MYL2: variants seen among roughly 807,000 people sequenced by gnomAD.
The protein encoded by MYL2 is myosin light chain 2, also known as myosin regulatory light chain 2, ventricular/cardiac muscle isoform.
A neutral mutation model predicts 23.0 loss-of-function variants in MYL2; 19 were observed. The observed-to-expected ratio is 0.83, with a 90% CI of 0.58 to 1.21. The LOEUF (loss-of-function observed/expected upper bound fraction) is 1.21, where lower values mean the gene tolerates loss of function less well. Among genes scored for constraint, MYL2 ranks in the 50% most tolerant of loss-of-function variants. The pLI is 0.00. For synonymous variants in MYL2, 78 were observed against 76.2 expected (o/e 1.02, Z -0.13); for missense variants, 180 against 215.1 (o/e 0.84, Z 1.02).
rs1157086995 is a variant in MYL2, at chr12:110,919,130, G to C, written c.67C>G (p.Gln23Glu). 6.2e-7 allele frequency: 1 copy of C among 1,613,974 alleles called. No individual in the cohort carries two copies. The highest frequency in any genetic ancestry group is 2.2e-5 in the East Asian group (1 of 44,884). ...ANSNVFSMFE[Q>E]TQIQEFKEAF... is the part of the protein sequence containing the mutation. ...TCCTTAAATTCCTGGATTTGGGTCT[G>C]TTCGAACATGGAGAACACGTTGGAG... The change falls in exon 2 of 7, where the codon CAG (glutamine) becomes GAG (glutamate). Residue 23 changes from glutamine (Q) to glutamate (E), a missense_variant. Physicochemically the swap from Gln to Glu is conservative, Grantham distance 29. Transcript: ENST00000228841.
rs1047009853 is a variant in MYL2, at chr12:110,914,280, G to A, written c.180C>T (p.Asn60=). 3 of 1,613,368 alleles carry A rather than the reference G, an allele frequency of 1.9e-6. No homozygotes were observed. The highest frequency in any genetic ancestry group is 2.5e-6 in the Non-Finnish European group (3 of 1,179,594). Residue 60 remains asparagine (N), a synonymous_variant, in exon 4 of 7, where the codon AAC becomes AAT. Transcript: ENST00000228841. ...TTTCATCAATTTCTTCATTTTTCAC[G>A]TTCACTCGCCCTAGGGTAGGAAACA... The part of the protein sequence containing the change: ...RDTFAALGRV[N]VKNEEIDEMI...
chr12:110,911,209 G>A (rs752143818), intron 6 of MYL2, 34 bp from the exon 7 acceptor site: 1 of 1,453,548 alleles, frequency 6.9e-7, no homozygotes, highest in South Asian at 1.1e-5. Context: ...CTAAGGACGA[G>A]GGGAGGGGAA....
rs765287559 is a variant in MYL2 at position 110,914,204 on chromosome 12, A to G, written c.256T>C (p.Phe86Leu). 9 of 1,613,740 alleles carry G rather than the reference A, an allele frequency of 5.6e-6. No individual in the cohort carries two copies. The African/African-American group carries it at 9.3e-5, about 17-fold the overall frequency. ...PINFTVFLTM[F>L]GEKLKGADPE... is the part of the protein sequence containing the mutation. The stretch of plus-strand genomic sequence containing the variant: ...ACCTTACCCTTAAGTTTCTCCCCAA[A>G]CATTGTGAGGAACACAGTAAAGTTA... Residue 86 changes from phenylalanine to leucine, a missense_variant, in exon 4 of 7, where the codon TTT (phenylalanine) becomes CTT (leucine). Physicochemically the swap from Phe to Leu is conservative, Grantham distance 22. Transcript: ENST00000228841.
intron 2 of MYL2, among the ~76,000 whole-genome samples, chr12:110,916,429 A>G (rs1275417850): frequency 2.6e-5 from 4 of 152,258 alleles, no homozygotes; most frequent in East Asian, 1.9e-4. Flanking sequence ...CTACATGTCC[A>G]TCAACTGATG....
At chr12:110,913,683 A>T (rs984501347) in intron 4 of MYL2, among the ~76,000 whole-genome samples, 2 of 152,220 alleles carry the variant, frequency 1.3e-5, no homozygotes, top group Non-Finnish European at 2.9e-5. Context: ...GGGGTAATGC[A>T]TATAAAGTGG....
intron 2 of MYL2, among the ~76,000 whole-genome samples, chr12:110,916,271 G>A (rs903151909): frequency 6.6e-6 from 1 of 152,238 alleles, no homozygotes; most frequent in Non-Finnish European, 1.5e-5. Flanking sequence ...AGGAGGCAGA[G>A]CTTGCAGTGA....
intron 5 of MYL2, 23 bp downstream of exon 5, chr12:110,913,222 TC>T: frequency 6.2e-7 from 1 of 1,600,776 alleles, no homozygotes; most frequent in South Asian, 1.1e-5. Context: ...GGAACCCCCT[TC>T]CTCCCCCACA....
intron 3 of MYL2, among the ~76,000 whole-genome samples, chr12:110,914,871 T>C (rs549297749): frequency 1.1e-4 from 16 of 152,338 alleles, no homozygotes; most frequent in African/African-American, 2.6e-4. Context: ...TTGATGCAGA[T>C]ATTTTCATTT....
rs1036162380 is a variant in MYL2, at chr12:110,917,425, C to G, written c.94-1635G>C. The stretch of plus-strand genomic sequence containing the variant: ...CCGGGCCAACACAGTGAAACCCTGT[C>G]TCTAGTAAAAATACAAAAAAATTAG... On this transcript the variant is annotated intron_variant, in intron 2 of 6. Transcript: ENST00000228841. 1.3e-4 allele frequency among the ~76,000 whole-genome samples: 19 copies of G among 151,724 alleles called. 1 individual carries two copies. The highest frequency in any genetic ancestry group is 1.1e-3 in the Admixed American group (16 of 15,216).
At chr12:110,911,361 T>C (rs902649929) in intron 6 of MYL2, among the ~76,000 whole-genome samples, 186 bp from the exon 7 acceptor site, 1 of 151,994 alleles carries the variant, frequency 6.6e-6, no homozygotes, top group African/African-American at 2.4e-5. Context: ...CCCAAGGTCA[T>C]GCCCTTTCTG....
At chr12:110,912,215 C>T (rs775497076) in intron 6 of MYL2, among the ~76,000 whole-genome samples, 5 of 152,084 alleles carry the variant, frequency 3.3e-5, no homozygotes, top group Non-Finnish European at 7.4e-5. Context: ...AGGTTGACGG[C>T]ACCATTGCTT....
At chr12:110,913,559 C>T (rs1311027792) in intron 4 of MYL2, among the ~76,000 whole-genome samples, 1 of 152,214 alleles carries the variant, frequency 6.6e-6, no homozygotes, top group African/African-American at 2.4e-5. Flanking sequence ...AATCTTAACC[C>T]TGGCACTTGC....
Position 110,919,206 on chromosome 12 carries a change from AG to A in MYL2, c.4-14del, listed in dbSNP as rs531661702. 1.9e-4 allele frequency: 303 copies of A among 1,611,296 alleles called. No homozygotes were observed. In the African/African-American group the frequency reaches 3.6e-3, roughly 19 times the overall value. ...CTTTCTTAGGTGCCTGGGGGAAAAA[AG>A]CATCGATTAAAAGAGTGAGAGGCTG... On this transcript the variant is annotated splice_polypyrimidine_tract_variant and intron_variant, in intron 1 of 6. Transcript: ENST00000228841.
chr12:110,914,350 C>T (rs746949032), intron 3 of MYL2, 60 bp from the exon 4 acceptor site: 10 of 1,156,624 alleles, frequency 8.6e-6, no homozygotes, highest in Non-Finnish European at 1.3e-5. Flanking sequence ...CATTATGACA[C>T]TGCCATTGGC....
chr12:110,921,408 CTTCT>C (rs928252055), upstream of MYL2, among the ~76,000 whole-genome samples: 11 of 152,176 alleles, frequency 7.2e-5, no homozygotes, highest in South Asian at 4.1e-4. Flanking sequence ...TCCGATCTCC[CTTCT>C]TTGTTTCTCT....
chr12:110,914,126 G>GC (rs971115394), intron 4 of MYL2, 60 bp downstream of exon 4: 41 of 1,269,478 alleles, frequency 3.2e-5, no homozygotes, highest in Middle Eastern at 1.8e-4. Context: ...TCTTCTGCCA[G>GC]CCCCCCCGAA....
At chr12:110,914,004 G>A (rs1042845088) in intron 4 of MYL2, among the ~76,000 whole-genome samples, 182 bp downstream of exon 4, 4 of 152,226 alleles carry the variant, frequency 2.6e-5, no homozygotes, top group South Asian at 2.1e-4. Flanking sequence ...TGATCTGCCC[G>A]CCTCGGCCTC....
At chr12:110,921,222 G>T (rs1430149465), upstream of MYL2, among the ~76,000 whole-genome samples, 1 of 152,140 alleles carries the variant, frequency 6.6e-6, no homozygotes, top group Non-Finnish European at 1.5e-5. Flanking sequence ...ATAGCTGTGC[G>T]TGGTGGTGCA....
chr12:110,917,514 AACAAACAG>A (rs1200748779), intron 2 of MYL2, among the ~76,000 whole-genome samples: 24 of 150,606 alleles, frequency 1.6e-4, no homozygotes, highest in African/African-American at 5.4e-4. Flanking sequence ...CAAACAAACA[AACAAACAG>A]ACCAAATGGG....
Sources: allele counts gnomAD v4.1 joint callset (sites outside exome capture counted in the v4.1 genomes callset), GRCh38; gene constraint gnomAD v4.1.1; transcripts MANE v1.5; gene names NCBI Gene and HGNC (gene_info 2026-07-23, HGNC 2026-07-21).